RBFOX1: variants seen among roughly 807,000 people sequenced by gnomAD.
RBFOX1 encodes RNA binding protein fox-1 homolog 1.
A neutral mutation model predicts 57.7 loss-of-function variants in RBFOX1; 8 were observed. The ratio of observed to expected loss-of-function variants is 0.14; its 90% CI spans 0.08 to 0.25. The LOEUF (loss-of-function observed/expected upper bound fraction) is 0.25, where lower values mean the gene tolerates loss of function less well. Ranked by LOEUF, RBFOX1 falls within the 10% of genes least tolerant of loss-of-function variation. The pLI is 1.00. For synonymous variants in RBFOX1, 326 were observed against 222.4 expected (o/e 1.47, Z -4.15); for missense variants, 611 against 548.5 (o/e 1.11, Z -1.14).
chr16:5,968,459 G>A (rs577663940), intron 4 of RBFOX1, among the ~76,000 whole-genome samples: 5 of 152,318 alleles, frequency 3.3e-5, no homozygotes, highest in African/African-American at 1.2e-4. Context: ...TCCTTTCTGT[G>A]TGTAGGTGAC....
At chr16:7,084,653 C>T (rs1215853984) in intron 4 of RBFOX1, among the ~76,000 whole-genome samples, 3 of 152,168 alleles carry the variant, frequency 2.0e-5, no homozygotes, top group African/African-American at 7.2e-5. Flanking sequence ...CTTCAAAGAC[C>T]AGAGGCTGAT....
At chr16:5,406,137 T>C (rs1395920579) in intron 1 of RBFOX1, among the ~76,000 whole-genome samples, 1 of 152,220 alleles carries the variant, frequency 6.6e-6, no homozygotes, top group African/African-American at 2.4e-5. Context: ...TTCATTCATG[T>C]AGTGTGATGG....
chr16:6,754,785 T>C (rs2075521882), intron 3 of RBFOX1, among the ~76,000 whole-genome samples: 1 of 152,070 alleles, frequency 6.6e-6, no homozygotes, highest in Non-Finnish European at 1.5e-5. Flanking sequence ...ACATGTGCCA[T>C]GCTGGTGTGC....
chr16:7,364,559 A>G (rs1294871852), intron 4 of RBFOX1, among the ~76,000 whole-genome samples: 2 of 149,494 alleles, frequency 1.3e-5, no homozygotes, highest in African/African-American at 4.9e-5. Context: ...AGTAGCTCAC[A>G]TGATATCAAG....
intron 1 of RBFOX1, among the ~76,000 whole-genome samples, chr16:5,324,686 C>T (rs1335512138): frequency 1.3e-5 from 2 of 152,144 alleles, no homozygotes; most frequent in Non-Finnish European, 2.9e-5. Context: ...GGCCATTATC[C>T]TTAGCAAACT....
intron 3 of RBFOX1, among the ~76,000 whole-genome samples, chr16:5,830,966 A>G (rs893837681): frequency 4.3e-5 from 5 of 115,324 alleles, no homozygotes; most frequent in African/African-American, 1.5e-4. Flanking sequence ...ACCATTTCCT[A>G]TCCCCCCCCA....
At chr16:6,676,146 A>ATG (rs1568166285) in intron 3 of RBFOX1, among the ~76,000 whole-genome samples, 15 of 68,726 alleles carry the variant, frequency 2.2e-4, no homozygotes, top group Non-Finnish European at 3.5e-4. Context: ...ACACGCGCAC[A>ATG]CACACACACA....
At chr16:7,397,506 C>T (rs1033765393) in intron 4 of RBFOX1, among the ~76,000 whole-genome samples, 1 of 152,092 alleles carries the variant, frequency 6.6e-6, no homozygotes, top group African/African-American at 2.4e-5. Flanking sequence ...TGAAAAGAAC[C>T]CACTGGTGAC....
At chr16:7,359,071 A>G (rs892857773) in intron 4 of RBFOX1, among the ~76,000 whole-genome samples, 3 of 152,174 alleles carry the variant, frequency 2.0e-5, no homozygotes, top group East Asian at 1.9e-4. Flanking sequence ...ATTGTCAGCT[A>G]CAGCATAGCC....
At chr16:5,621,201 T>C (rs1320674750) in intron 3 of RBFOX1, among the ~76,000 whole-genome samples, 1 of 152,200 alleles carries the variant, frequency 6.6e-6, no homozygotes, top group East Asian at 1.9e-4. Context: ...GGTCTCAAAC[T>C]CTTCGGCTCA....
In RBFOX1 at chr16:5,855,060, T is replaced by C. The variant is rs567199504; in HGVS notation, c.319-12243T>C. On this transcript the variant is annotated intron_variant, in intron 3 of 19. Coordinates refer to the RBFOX1 transcript ENST00000641259. ...GTCTGTTCAAATCCTTTGTTCGTTT[T>C]GTAATTGTATGTGTGTTTTTTTCTG... Among the ~76,000 whole-genome samples, 10 of 152,342 alleles carry C rather than the reference T, an allele frequency of 6.6e-5. No homozygotes were observed. In the South Asian group the frequency reaches 1.9e-3, roughly 28 times the overall value.
rs540757597 is a variant in RBFOX1 at position 7,244,159 on chromosome 16, GA to G, written c.27+192069del. Among the ~76,000 whole-genome samples the G allele has an allele frequency of 4.8e-5, 6 of 125,392 alleles. No homozygotes were observed. In the South Asian group the frequency reaches 1.5e-3, roughly 32 times the overall value. 82.3% of individuals were successfully genotyped at this position (125,392 alleles called of 152,430 possible). On this transcript the variant is annotated intron_variant, in intron 4 of 15. Transcript: ENST00000550418. ...ATTGTCATCAAAGGGTAACTCCAGA[GA>G]AAAAAAATCAGAGTAAATAAACATT... is the stretch of plus-strand genomic sequence containing the variant.
At chr16:6,041,024 A>G (rs1011276172) in intron 1 of RBFOX1, among the ~76,000 whole-genome samples, 1 of 152,092 alleles carries the variant, frequency 6.6e-6, no homozygotes, top group Non-Finnish European at 1.5e-5. Flanking sequence ...GGTTTGGACA[A>G]ATACATAATG....
At position 6,060,929 on chromosome 16, in the gene RBFOX1, A is replaced by G. The variant is rs73522197; in HGVS notation, c.-127+40937A>G. Among the ~76,000 whole-genome samples the G allele has an allele frequency of 9.9e-3, 1,510 of 152,304 alleles. 30 individuals carry two copies. The highest frequency in any genetic ancestry group is 0.034 in the African/African-American group (1,432 of 41,568). The stretch of plus-strand genomic sequence containing the variant: ...TAGATTTCTTTCCCACATATGGCAC[A>G]TGGACACACGGGGCTGCCCTGAACC... On this transcript the variant is annotated intron_variant, in intron 1 of 15. Transcript: ENST00000550418.
At chr16:7,121,640 G>C (rs1600231) in intron 4 of RBFOX1, among the ~76,000 whole-genome samples, 19,284 of 151,914 alleles carry the variant, frequency 0.13, 1,513 homozygotes, top group East Asian at 0.35. Context: ...TGGTGTATAA[G>C]TTTAACACAA....
intron 3 of RBFOX1, among the ~76,000 whole-genome samples, chr16:7,001,549 C>T (rs527315440): frequency 5.3e-5 from 8 of 152,034 alleles, no homozygotes; most frequent in Non-Finnish European, 7.4e-5. Flanking sequence ...CTCCGCCTCC[C>T]GGGTTCAAGT....
chr16:5,877,440 G>A (rs535184545), intron 4 of RBFOX1, among the ~76,000 whole-genome samples: 2 of 152,310 alleles, frequency 1.3e-5, no homozygotes, highest in African/African-American at 4.8e-5. Context: ...ATACCTAGAG[G>A]GGGCTGTTTA....
intron 4 of RBFOX1, among the ~76,000 whole-genome samples, chr16:7,075,619 T>C (rs989321219): frequency 6.6e-6 from 1 of 152,208 alleles, no homozygotes; most frequent in Non-Finnish European, 1.5e-5. Flanking sequence ...CTCGCTCTGT[T>C]GCGCAGGCTG....
At chr16:7,513,182 G>C (rs958188441) in intron 4 of RBFOX1, among the ~76,000 whole-genome samples, 2 of 152,108 alleles carry the variant, frequency 1.3e-5, no homozygotes, top group African/African-American at 4.8e-5. Flanking sequence ...AGAATCACTT[G>C]AACCTCGGAG....
Sources: gnomAD v4.1 joint callset for allele counts (sites outside exome capture counted in the v4.1 genomes callset) on GRCh38, gnomAD v4.1.1 for gene constraint, MANE v1.5 for transcripts, NCBI Gene and HGNC (gene_info 2026-07-23, HGNC 2026-07-21) for gene names.